The following APAF1 variants were observed in gnomAD, a reference collection of about 807,000 sequenced individuals.
The protein encoded by APAF1 is apoptotic protease-activating factor 1.
A neutral mutation model predicts 152.4 loss-of-function variants in APAF1; 91 were observed. The ratio of observed to expected loss-of-function variants is 0.60; its 90% CI spans 0.50 to 0.71. The LOEUF (loss-of-function observed/expected upper bound fraction) is 0.71, where lower values mean the gene tolerates loss of function less well. Ranked by LOEUF, APAF1 falls within the 30% of genes least tolerant of loss-of-function variation. The pLI, the probability that APAF1 is intolerant of heterozygous loss-of-function variation, is 0.00. For missense variants in APAF1, 1,283 were observed against 1,472.0 expected, an observed-to-expected ratio of 0.87 and a Z score of 2.10; for synonymous variants, 484 against 494.1, an observed-to-expected ratio of 0.98 and a Z score of 0.27.
intron 16 of APAF1, among the ~76,000 whole-genome samples, chr12:98,694,866 T>C (rs2097708014): frequency 6.6e-6 from 1 of 151,834 alleles, no homozygotes; most frequent in Non-Finnish European, 1.5e-5. Context: ...TATCTGTTTT[T>C]ATCATGAACA....
intron 10 of APAF1, among the ~76,000 whole-genome samples, chr12:98,668,648 A>C (rs2097676415): frequency 6.6e-6 from 1 of 152,200 alleles, no homozygotes; most frequent in South Asian, 2.1e-4. Flanking sequence ...TACGAGAAAG[A>C]GAAGAATCAA....
intron 15 of APAF1, among the ~76,000 whole-genome samples, chr12:98,685,993 G>A (rs963173914): frequency 1.3e-5 from 2 of 152,162 alleles, no homozygotes; most frequent in African/African-American, 2.4e-5. Flanking sequence ...AAATATTTAA[G>A]CATGCATCTC....
Position 98,671,581 on chromosome 12 carries a change from G to T in APAF1, c.1655G>T (p.Gly552Val). 1.2e-6 allele frequency: 2 copies of T among 1,613,986 alleles called. No individual in the cohort carries two copies. Among genetic ancestry groups the T allele is most frequent in the Non-Finnish European group, 1.7e-6 (2 of 1,179,984 alleles). ...ENFQEFLSLN[G>V]HLLGRQPFPN... is the part of the protein sequence containing the mutation. Reference sequence around the variant, plus strand: ...TTTCAGGAGTTTTTATCTTTAAATGGACACCTTCTTGGACGACAGCCATTT... The same window carrying T: ...TTTCAGGAGTTTTTATCTTTAAATGTACACCTTCTTGGACGACAGCCATTT... The change falls in exon 12 of 27, where the codon GGA becomes GTA. Residue 552 changes from glycine (G) to valine (V), a missense_variant. Transcript: ENST00000551964.
At chr12:98,720,133 C>T (rs1195850565) in intron 22 of APAF1, among the ~76,000 whole-genome samples, 1 of 152,158 alleles carries the variant, frequency 6.6e-6, no homozygotes, top group East Asian at 1.9e-4. Flanking sequence ...ACATTGTATA[C>T]TATGTATTCT....
chr12:98,702,818 G>A (rs960386265), intron 17 of APAF1, among the ~76,000 whole-genome samples: 20 of 147,440 alleles, frequency 1.4e-4, no homozygotes, highest in Admixed American at 3.4e-4. Context: ...TCCAGCCTGG[G>A]CAACAAGAGC....
chr12:98,708,755 A>T, intron 20 of APAF1, 51 bp downstream of exon 20: 6 of 1,593,408 alleles, frequency 3.8e-6, no homozygotes, highest in South Asian at 3.4e-5. Context: ...TGAATTTTCT[A>T]TTCACGGTTT....
Position 98,699,420 on chromosome 12 carries a change from A to C in APAF1, c.2317A>C (p.Thr773Pro). ...CTTTAATTCAAAGCTTTGGGATGCG[A>C]CATCAGCAAATGAGAGGAAAAGCAT... Reference protein sequence around the residue: ...ADGTLKLWDATSANERKSINV... With the variant: ...ADGTLKLWDAPSANERKSINV... The change falls in exon 17 of 27, where the codon ACA (threonine) becomes CCA (proline). Residue 773 changes from threonine (T) to proline (P), a missense_variant. Physicochemically the swap from Thr to Pro is conservative, Grantham distance 38. Transcript: ENST00000551964. 1 of 1,614,102 alleles carries C rather than the reference A, an allele frequency of 6.2e-7. No homozygotes were observed. The highest frequency in any genetic ancestry group is 2.2e-5 in the East Asian group (1 of 44,860).
Position 98,732,410 on chromosome 12 carries a change from C to A in APAF1, c.3601-10C>A. On this transcript the variant is annotated splice_polypyrimidine_tract_variant and intron_variant, in intron 26 of 26. Transcript: ENST00000551964. ...CCAATCTAATGAGAATTTTATTTTT[C>A]TCTGAACAGTGGTGGAACGTTGTCA... 6.2e-7 allele frequency: 1 copy of A among 1,612,050 alleles called. No homozygotes were observed. Among genetic ancestry groups the A allele is most frequent in the Non-Finnish European group, 8.5e-7 (1 of 1,178,162 alleles).
chr12:98,733,057 T>C lies in APAF1; in HGVS notation c.*491T>C, dbSNP rs1295673315. 3.1e-5 allele frequency: 5 copies of C among 161,644 alleles called. No homozygotes were observed. The highest frequency in any genetic ancestry group is 9.6e-5 in the African/African-American group (4 of 41,500). 10.0% of individuals were successfully genotyped at this position (161,644 alleles called of 1,614,324 possible). A position where few individuals can be genotyped will look rare whatever the true frequency, so the allele number is the denominator to read the frequency against. Reference sequence around the variant, plus strand: ...ACTCTTTAAATTTGCTTTAAAAATATTGTGTCTGTGTGCATAGTCTGCAGC... The same window carrying C: ...ACTCTTTAAATTTGCTTTAAAAATACTGTGTCTGTGTGCATAGTCTGCAGC... On this transcript the variant is annotated 3_prime_UTR_variant, in exon 27 of 27. Coordinates refer to ENST00000551964, the MANE Select transcript of APAF1 (RefSeq NM_181861.2).
chr12:98,716,337 CA>C (rs2097734726), intron 22 of APAF1, among the ~76,000 whole-genome samples: 2 of 152,240 alleles, frequency 1.3e-5, no homozygotes, highest in Admixed American at 1.3e-4. Context: ...ACTCATTTAT[CA>C]ATCCATTTAT....
At chr12:98,690,282 C>T (rs1227361222) in intron 16 of APAF1, among the ~76,000 whole-genome samples, 1 of 152,172 alleles carries the variant, frequency 6.6e-6, no homozygotes, top group Non-Finnish European at 1.5e-5. Context: ...TAGAGTTTAG[C>T]TAGCTGTTAG....
At chr12:98,713,898 T>A (rs1305097995) in intron 21 of APAF1, among the ~76,000 whole-genome samples, 1 of 152,208 alleles carries the variant, frequency 6.6e-6, no homozygotes, top group Non-Finnish European at 1.5e-5. Flanking sequence ...CTCAATACTC[T>A]TATATATTTG....
At chr12:98,680,501 C>A in intron 14 of APAF1, 99 bp downstream of exon 14, 2 of 1,150,236 alleles carry the variant, frequency 1.7e-6, no homozygotes, top group Non-Finnish European at 1.3e-6. Flanking sequence ...AGGACTCTCA[C>A]CTGTTGATCT....
Position 98,670,960 on chromosome 12 carries a change from T to C in APAF1, c.1495-13T>C. On this transcript the variant is annotated splice_polypyrimidine_tract_variant and intron_variant, in intron 10 of 26. Transcript: ENST00000551964. The stretch of plus-strand genomic sequence containing the variant: ...CTAACAGTGCTGCTGATACTACTTT[T>C]TGTTTTTTAAAGGAACTTTGTGCTT... 6.3e-7 allele frequency: 1 copy of C among 1,586,110 alleles called. No homozygotes were observed. The highest frequency in any genetic ancestry group is 8.7e-7 in the Non-Finnish European group (1 of 1,154,858).
At chr12:98,721,381 A>T (rs1156502685) in intron 22 of APAF1, among the ~76,000 whole-genome samples, 1 of 152,238 alleles carries the variant, frequency 6.6e-6, no homozygotes, top group Non-Finnish European at 1.5e-5. Context: ...AAGCTAGAAT[A>T]GGCAGTGTCT....
At position 98,680,373 on chromosome 12, in the gene APAF1, G is replaced by A. The variant is rs1192389390; in HGVS notation, c.2017G>A (p.Ala673Thr). Residue 673 changes from alanine (A) to threonine (T), a missense_variant, in exon 14 of 27, where the codon GCA becomes ACA. Physicochemically the swap from Ala to Thr is moderately conservative, Grantham distance 58 (BLOSUM62 0). Coordinates refer to ENST00000551964, the MANE Select transcript of APAF1 (RefSeq NM_181861.2). ...CAFSTDDRFIATCSVDKKVKI... is the reference protein window; with the variant it reads ...CAFSTDDRFITTCSVDKKVKI... ...ATTCTCTACAGATGACAGATTTATA[G>A]CAACCTGCTCAGTGGATAAAAAAGT... 6.2e-7 allele frequency: 1 copy of A among 1,613,726 alleles called. No individual in the cohort carries two copies. The highest frequency in any genetic ancestry group is 8.5e-7 in the Non-Finnish European group (1 of 1,179,964).
chr12:98,687,583 CA>C (rs200105604), intron 16 of APAF1, among the ~76,000 whole-genome samples: 3,893 of 151,920 alleles, frequency 0.026, 155 homozygotes, highest in African/African-American at 0.087. Context: ...GAGAGGGTAC[CA>C]GCAGAGAAGG....
intron 11 of APAF1, 30 bp downstream of exon 11, chr12:98,671,116 T>C (rs2097679576): frequency 7.6e-7 from 1 of 1,315,538 alleles, no homozygotes; most frequent in East Asian, 2.3e-5. Flanking sequence ...AAATTAGTGC[T>C]AAAAAGGAAT....
chr12:98,680,450 T>A, intron 14 of APAF1, 48 bp downstream of exon 14: 1 of 1,594,656 alleles, frequency 6.3e-7, no homozygotes, highest in Non-Finnish European at 8.6e-7. Flanking sequence ...AGAATTCATT[T>A]TATTTTTCCA....
Sources: gnomAD v4.1 joint callset for allele counts (sites outside exome capture counted in the v4.1 genomes callset) on GRCh38, gnomAD v4.1.1 for gene constraint, MANE v1.5 for transcripts, NCBI Gene and HGNC (gene_info 2026-07-23, HGNC 2026-07-21) for gene names.